ZNF469: variants seen among roughly 807,000 people sequenced by gnomAD.
The protein encoded by ZNF469 is zinc finger protein 469.
A neutral mutation model predicts 1.0 loss-of-function variants in ZNF469; 1 was observed. The observed-to-expected ratio is 1.00, with a 90% CI of 0.35 to 4.73. The LOEUF (loss-of-function observed/expected upper bound fraction) is 4.73. Among genes scored for constraint, ZNF469 ranks in the 30% most tolerant of loss-of-function variants. The probability of loss-of-function intolerance (pLI) is 0.16; values close to 1 mark genes in which losing one functional copy is unlikely to be tolerated. For missense variants in ZNF469, 6,100 were observed against 5,356.3 expected, an observed-to-expected ratio of 1.14 and a Z score of -4.33; for synonymous variants, 2,703 against 2,363.4, an observed-to-expected ratio of 1.14 and a Z score of -4.17.
At chr16:88,310,678 G>A in the ZNF469 span, among the ~76,000 whole-genome samples, 2 of 151,990 alleles carry the variant, frequency 1.3e-5, no homozygotes, top group Non-Finnish European at 2.9e-5. Context: ...CACCTCCTGG[G>A]TTCAAGCGAT....
the ZNF469 span, among the ~76,000 whole-genome samples, chr16:88,146,715 G>A: frequency 2.0e-5 from 3 of 152,092 alleles, no homozygotes; most frequent in South Asian, 6.2e-4. Context: ...CACAGCACAA[G>A]GGTGGTTTCC....
the ZNF469 span, among the ~76,000 whole-genome samples, chr16:88,192,689 T>A: frequency 1.3e-5 from 2 of 152,270 alleles, no homozygotes; most frequent in African/African-American, 4.8e-5. Flanking sequence ...GTGATGGTGA[T>A]GATGGTGGTG....
At chr16:88,386,226 G>A (rs2092536494) in intron 1 of ZNF469, among the ~76,000 whole-genome samples, 1 of 152,072 alleles carries the variant, frequency 6.6e-6, no homozygotes, top group Non-Finnish European at 1.5e-5. Flanking sequence ...AGTGTGACCA[G>A]CCCGTCCTCC....
At chr16:88,377,759 A>G in the ZNF469 span, among the ~76,000 whole-genome samples, 3 of 151,886 alleles carry the variant, frequency 2.0e-5, no homozygotes, top group East Asian at 5.8e-4. Flanking sequence ...CTGTACCCAC[A>G]CAGGTCCTCA....
At chr16:88,329,135 C>T in the ZNF469 span, among the ~76,000 whole-genome samples, 9 of 152,182 alleles carry the variant, frequency 5.9e-5, no homozygotes, top group South Asian at 1.0e-3. Flanking sequence ...GTCTGTGTGT[C>T]GACCCTCACT....
chr16:88,385,553 G>A (rs1366049908), intron 1 of ZNF469, among the ~76,000 whole-genome samples: 1 of 151,758 alleles, frequency 6.6e-6, no homozygotes, highest in Non-Finnish European at 1.5e-5. Flanking sequence ...TGAGGAGAAA[G>A]GATTGCTTAA....
chr16:88,321,831 G>A, the ZNF469 span, among the ~76,000 whole-genome samples: 8 of 152,256 alleles, frequency 5.3e-5, no homozygotes, highest in African/African-American at 1.9e-4. Flanking sequence ...GCCATCCGGA[G>A]CATGATCTGC....
At chr16:88,311,005 CG>C in the ZNF469 span, among the ~76,000 whole-genome samples, 1 of 152,182 alleles carries the variant, frequency 6.6e-6, no homozygotes, top group Non-Finnish European at 1.5e-5. Flanking sequence ...GGACCACATC[CG>C]GATCCCACCC....
At chr16:88,245,933 A>G in the ZNF469 span, among the ~76,000 whole-genome samples, 6 of 152,402 alleles carry the variant, frequency 3.9e-5, no homozygotes, top group East Asian at 1.2e-3. Flanking sequence ...GCCCGGGGAC[A>G]TCCTCCTGCC....
chr16:88,271,191 G>A, the ZNF469 span, among the ~76,000 whole-genome samples: 4 of 151,116 alleles, frequency 2.6e-5, no homozygotes, highest in South Asian at 2.1e-4. Flanking sequence ...CTGGCTTCCC[G>A]GAGAGCGTGT....
chr16:88,238,627 C>G, the ZNF469 span, among the ~76,000 whole-genome samples: 1 of 152,204 alleles, frequency 6.6e-6, no homozygotes, highest in Non-Finnish European at 1.5e-5. Context: ...AATTTAAACA[C>G]TTTAAAATGT....
the ZNF469 span, among the ~76,000 whole-genome samples, chr16:88,114,342 C>A: frequency 7.5e-6 from 1 of 132,502 alleles, no homozygotes; most frequent in African/African-American, 3.0e-5. Flanking sequence ...TCACTGACTG[C>A]GGGGGTCTCA....
chr16:88,429,307 A>T lies in ZNF469; in HGVS notation c.1837A>T (p.Ser613Cys), dbSNP rs1280309037. 1.3e-6 allele frequency: 2 copies of T among 1,549,696 alleles called. No homozygotes were observed. The highest frequency in any genetic ancestry group is 2.7e-5 in the African/African-American group (2 of 72,958). ...CTGCTCTTCCCTGTCGCCGATGTCC[A>T]GCAGCCCAGCCAACCCCAGCTCAGA... The part of the protein sequence containing the change: ...STCSSLSPMS[S>C]SPANPSSEES... Residue 613 changes from serine to cysteine, a missense_variant, in exon 3 of 3, where the codon AGC becomes TGC. Ser to Cys is a moderately radical substitution (Grantham distance 112). Coordinates refer to ENST00000565624, the MANE Select transcript of ZNF469 (RefSeq NM_001367624.2).
the ZNF469 span, among the ~76,000 whole-genome samples, chr16:88,126,081 G>A: frequency 2.7e-5 from 4 of 149,046 alleles, no homozygotes; most frequent in Non-Finnish European, 5.9e-5. Flanking sequence ...CCCAGCTACT[G>A]AAGAGGCTGA....
chr16:88,195,717 C>A, the ZNF469 span, among the ~76,000 whole-genome samples: 1 of 152,182 alleles, frequency 6.6e-6, no homozygotes, highest in East Asian at 1.9e-4. Context: ...TCTGAGACCT[C>A]GGGGTGTCCC....
At chr16:88,127,708 G>A in the ZNF469 span, among the ~76,000 whole-genome samples, 1 of 152,334 alleles carries the variant, frequency 6.6e-6, no homozygotes, top group Non-Finnish European at 1.5e-5. Flanking sequence ...GTTGAGCACT[G>A]GGCTGAGGGT....
chr16:88,412,964 A>G (rs1012751446), intron 1 of ZNF469, among the ~76,000 whole-genome samples: 1 of 151,784 alleles, frequency 6.6e-6, no homozygotes, highest in Non-Finnish European at 1.5e-5. Context: ...CGCTTATCCA[A>G]CTGTGGGCAT....
chr16:88,298,367 G>A, the ZNF469 span, among the ~76,000 whole-genome samples: 1 of 152,182 alleles, frequency 6.6e-6, no homozygotes, highest in African/African-American at 2.4e-5. Context: ...TCCGGGAAAG[G>A]GCGGATGACA....
At chr16:88,239,711 A>T in the ZNF469 span, among the ~76,000 whole-genome samples, 66 of 4,444 alleles carry the variant, frequency 0.015, 6 homozygotes, top group African/African-American at 0.074. Flanking sequence ...ATATATATAT[A>T]TATATTTTTT....
Sources: gnomAD v4.1 joint callset for allele counts (sites outside exome capture counted in the v4.1 genomes callset) on GRCh38, gnomAD v4.1.1 for gene constraint, MANE v1.5 for transcripts, NCBI Gene and HGNC (gene_info 2026-07-23, HGNC 2026-07-21) for gene names.